The following QTGAL variants were observed in gnomAD, a reference collection of about 807,000 sequenced individuals.
QTGAL encodes the protein BGnT-like protein 1.
the QTGAL span, among the ~76,000 whole-genome samples, chr17:82,950,906 T>C: frequency 6.6e-6 from 1 of 152,248 alleles, no homozygotes; most frequent in South Asian, 2.1e-4. Context: ...GTTCCATTTC[T>C]AGAGCCACAG....
the QTGAL span, among the ~76,000 whole-genome samples, chr17:82,980,503 C>T: frequency 1.2e-4 from 18 of 152,330 alleles, no homozygotes; most frequent in Non-Finnish European, 1.6e-4. Flanking sequence ...AAGTCCCAGG[C>T]TGTTTGACCC....
chr17:83,040,115 G>C, the QTGAL span, among the ~76,000 whole-genome samples: 1 of 152,202 alleles, frequency 6.6e-6, no homozygotes, highest in African/African-American at 2.4e-5. Context: ...TCCTGGATGT[G>C]TCTCAGAATC....
the QTGAL span, among the ~76,000 whole-genome samples, chr17:83,032,820 G>A: frequency 2.0e-5 from 3 of 152,194 alleles, no homozygotes; most frequent in Non-Finnish European, 2.9e-5. Context: ...ATAGCAGCTG[G>A]TGCCGCCCTG....
the QTGAL span, chr17:83,005,342 G>C: frequency 1.2e-6 from 1 of 802,360 alleles, no homozygotes; most frequent in Non-Finnish European, 2.0e-6. This position sits in a 1 kb window ranked among gnomAD's most constrained non-coding sequence, Gnocchi z 5.6. Context: ...CTGCAAATCT[G>C]GGTCAGGCAA....
the QTGAL span, among the ~76,000 whole-genome samples, chr17:82,970,630 C>T: frequency 5.5e-4 from 35 of 63,800 alleles, 5 homozygotes; most frequent in African/African-American, 1.0e-3. Context: ...CCGGCGTGGC[C>T]GCGACCTCCG....
At chr17:83,039,436 C>T in the QTGAL span, among the ~76,000 whole-genome samples, 17 of 104,606 alleles carry the variant, frequency 1.6e-4, no homozygotes, top group African/African-American at 5.1e-4. Context: ...CACTGCTGGG[C>T]GCCCGCCGCC....
At chr17:82,977,223 C>T in the QTGAL span, among the ~76,000 whole-genome samples, 1 of 152,240 alleles carries the variant, frequency 6.6e-6, no homozygotes, top group African/African-American at 2.4e-5. Flanking sequence ...AGGAAAGGGG[C>T]TTACAGGCCG....
chr17:82,957,676 A>G, the QTGAL span, among the ~76,000 whole-genome samples: 2 of 152,166 alleles, frequency 1.3e-5, no homozygotes, highest in African/African-American at 2.4e-5. Flanking sequence ...ACGTAGCCAC[A>G]TGCCTAGGTG....
the QTGAL span, among the ~76,000 whole-genome samples, chr17:82,997,103 A>T: frequency 6.6e-6 from 1 of 152,256 alleles, no homozygotes; most frequent in Non-Finnish European, 1.5e-5. Flanking sequence ...AACAAAGTGA[A>T]GAGACAACCC....
chr17:83,019,575 G>A, the QTGAL span, among the ~76,000 whole-genome samples: 3 of 152,136 alleles, frequency 2.0e-5, no homozygotes, highest in Non-Finnish European at 2.9e-5. Context: ...GCTTCAGTTC[G>A]GGAAGACGGG....
At chr17:83,010,893 G>A in the QTGAL span, among the ~76,000 whole-genome samples, 3 of 152,150 alleles carry the variant, frequency 2.0e-5, no homozygotes, top group Non-Finnish European at 4.4e-5. Context: ...CCTCCGCGTC[G>A]CTTCCCTACA....
At chr17:83,050,809 G>A in the QTGAL span, among the ~76,000 whole-genome samples, 1 of 151,988 alleles carries the variant, frequency 6.6e-6, no homozygotes, top group Admixed American at 6.5e-5. Flanking sequence ...GGGCACGGAG[G>A]AGGTGTGCAG....
At chr17:83,051,233 G>T in the QTGAL span, among the ~76,000 whole-genome samples, 1 of 149,264 alleles carries the variant, frequency 6.7e-6, no homozygotes, top group African/African-American at 2.5e-5. Context: ...AGATGCGCAG[G>T]TGCGCGGACC....
At chr17:83,026,202 GC>G in the QTGAL span, among the ~76,000 whole-genome samples, 1 of 152,202 alleles carries the variant, frequency 6.6e-6, no homozygotes, top group African/African-American at 2.4e-5. Context: ...AATTCTAAGT[GC>G]TGGAGAACCA....
At chr17:82,952,689 G>A in the QTGAL span, among the ~76,000 whole-genome samples, 2 of 152,122 alleles carry the variant, frequency 1.3e-5, no homozygotes, top group Non-Finnish European at 1.5e-5. Flanking sequence ...CGCAGCTCTG[G>A]ACCAAGCGGA....
chr17:82,967,713 C>T, the QTGAL span, among the ~76,000 whole-genome samples: 4 of 151,960 alleles, frequency 2.6e-5, no homozygotes, highest in African/African-American at 4.8e-5. Flanking sequence ...GAGTCCGAGG[C>T]GGGAGAATCG....
chr17:83,048,966 G>A, the QTGAL span: 1 of 602,684 alleles, frequency 1.7e-6, no homozygotes. Context: ...TCCCTGAACT[G>A]CCTTCTACAT....
chr17:82,992,449 G>GA, the QTGAL span, among the ~76,000 whole-genome samples: 1 of 152,114 alleles, frequency 6.6e-6, no homozygotes, highest in East Asian at 1.9e-4. Context: ...TTTTACACTA[G>GA]AATAGTATAT....
the QTGAL span, among the ~76,000 whole-genome samples, chr17:83,013,569 C>A: frequency 6.6e-6 from 1 of 151,486 alleles, no homozygotes; most frequent in African/African-American, 2.4e-5. Context: ...CTGTGGGGAG[C>A]TGGGCTCCCA....
Sources: gnomAD v4.1 joint callset for allele counts (sites outside exome capture counted in the v4.1 genomes callset) on GRCh38, gnomAD v4.1.1 for gene constraint, Gnocchi (gnomAD v3.1) non-coding constraint, MANE v1.5 for transcripts, NCBI Gene and HGNC (gene_info 2026-07-23, HGNC 2026-07-21) for gene names.